SLC4A1: variants seen among roughly 807,000 people sequenced by gnomAD.
The protein encoded by SLC4A1 is band 3 anion transport protein.
SLC4A1 carries 29 observed loss-of-function variants against 93.1 expected under a neutral mutation model. That is an observed-to-expected ratio of 0.31 (90% CI 0.23 to 0.42). The LOEUF (loss-of-function observed/expected upper bound fraction) is 0.42, where lower values mean the gene tolerates loss of function less well. Among genes scored for constraint, SLC4A1 ranks in the 20% least tolerant of loss-of-function variants. The pLI is 1.00. For missense variants in SLC4A1, 965 were observed against 1,190.1 expected, an observed-to-expected ratio of 0.81 and a Z score of 2.78; for synonymous variants, 469 against 497.2, an observed-to-expected ratio of 0.94 and a Z score of 0.76.
At chr17:44,253,447 G>A (rs2047361056) in intron 16 of SLC4A1, 76 bp from the exon 17 acceptor site, 1 of 1,547,312 alleles carries the variant, frequency 6.5e-7, no homozygotes, top group African/African-American at 1.4e-5. Context: ...CTCCATACTT[G>A]GTGTCCTTGT....
rs752788858 is a variant in SLC4A1 at position 44,257,484 on chromosome 17, T to G, written c.1492A>C (p.Ile498Leu). 3.7e-6 allele frequency: 6 copies of G among 1,613,362 alleles called. No homozygotes were observed. The Admixed American group carries it at 1.0e-4, about 27-fold the overall frequency. Reference sequence around the variant, plus strand: ...GCCACCACCAACACCACCAGCAGGATGAGCCAGAAGCCGATCCACACGCGG... The same window carrying G: ...GCCACCACCAACACCACCAGCAGGAGGAGCCAGAAGCCGATCCACACGCGG... ...VGRVWIGFWL[I>L]LLVVLVVAFE... Residue 498 changes from isoleucine (I) to leucine (L), a missense_variant, in exon 13 of 20, where the codon ATC becomes CTC. Coordinates refer to ENST00000262418, the MANE Select transcript of SLC4A1 (RefSeq NM_000342.4).
rs769110150 is a variant in SLC4A1 at position 44,257,718 on chromosome 17, G to T, written c.1372C>A (p.Pro458Thr). 15 of 1,613,944 alleles carry T rather than the reference G, an allele frequency of 9.3e-6. No individual in the cohort carries two copies. The highest frequency in any genetic ancestry group is 8.5e-7 in the Non-Finnish European group (1 of 1,180,016). ...CCTGAGAAGCCGACCACAAGCAGGG[G>T]CTGAGCCCCCAGCAGGGCGAAGAGA... ...GILFALLGAQ[P>T]LLVVGFSGPL... The change falls in exon 12 of 20, where the codon CCC (proline) becomes ACC (threonine). Residue 458 changes from proline to threonine, a missense_variant. Pro to Thr is a conservative substitution (Grantham distance 38). Around this residue, in one of 2 missense-constraint regions of SLC4A1, gnomAD observed 770 missense variants for 1,006.6 expected, o/e 0.76. Coordinates refer to ENST00000262418, the MANE Select transcript of SLC4A1 (RefSeq NM_000342.4).
At chr17:44,262,527 C>A (rs113375808) in intron 3 of SLC4A1, 109 bp downstream of exon 3, 3 of 781,846 alleles carry the variant, frequency 3.8e-6, no homozygotes, top group Admixed American at 2.1e-5. Context: ...GAGAACGGCC[C>A]GTGGTGCTTG....
intron 15 of SLC4A1, 94 bp downstream of exon 15, chr17:44,255,113 G>T: frequency 1.1e-6 from 1 of 887,142 alleles, no homozygotes; most frequent in African/African-American, 1.7e-5. Flanking sequence ...CTGGCTTCAG[G>T]TTGGGGAAAG....
At position 44,255,586 on chromosome 17, in the gene SLC4A1, C is replaced by G. The variant is rs560007004; in HGVS notation, c.1800+87G>C. ...ATGGGAATCTGAAAAAGAAGGGAAG[C>G]TAAGGGCACTGAGGAATTTGGAGCG... On this transcript the variant is annotated intron_variant, in intron 14 of 19. Transcript: ENST00000262418. The G allele has an allele frequency of 9.7e-4, 1,311 of 1,346,272 alleles. 1 individual carries two copies. The highest frequency in any genetic ancestry group is 1.3e-3 in the Non-Finnish European group (1,195 of 940,620). 83.4% of individuals were successfully genotyped at this position (1,346,272 alleles called of 1,614,324 possible).
chr17:44,255,379 G>C, intron 14 of SLC4A1, 83 bp from the exon 15 acceptor site: 2 of 1,051,006 alleles, frequency 1.9e-6, no homozygotes. Context: ...TTCACCCACG[G>C]GGCCCTGCTC....
intron 4 of SLC4A1, 109 bp downstream of exon 4, chr17:44,261,466 G>T (rs917422682): frequency 4.0e-5 from 62 of 1,566,070 alleles, no homozygotes; most frequent in Non-Finnish European, 5.2e-5. Context: ...CTGCTGCAGG[G>T]TCTCCCCCAG....
chr17:44,259,690 G>A (rs2047424443), intron 7 of SLC4A1, 109 bp from the exon 8 acceptor site: 2 of 1,533,832 alleles, frequency 1.3e-6, no homozygotes, highest in African/African-American at 1.4e-5. Context: ...CACCCCCCGG[G>A]CACAGGAGTG....
chr17:44,267,686 AG>A (rs1288258027), intron 1 of SLC4A1, among the ~76,000 whole-genome samples: 1 of 152,030 alleles, frequency 6.6e-6, no homozygotes, highest in Non-Finnish European at 1.5e-5. Context: ...TAGGTGGGAG[AG>A]GGGGTGGTCT....
rs45598642 is a variant in SLC4A1 at position 44,261,246 on chromosome 17, G to A, written c.168+329C>T. On this transcript the variant is annotated intron_variant, in intron 4 of 19. Transcript: ENST00000262418. ...ACTTAGACAGTTCAGTGCCCAGTGG[G>A]GACCTGAGGGGCCTGGGCAGAGGAG... is the stretch of plus-strand genomic sequence containing the variant. Among the ~76,000 whole-genome samples the A allele has an allele frequency of 9.4e-3, 1,439 of 152,336 alleles. 12 individuals carry two copies. Among genetic ancestry groups the A allele is most frequent in the Middle Eastern group, 0.017 (5 of 294 alleles).
chr17:44,264,583 C>T lies in SLC4A1; in HGVS notation c.-68-1649G>A, dbSNP rs114234902. 4.5e-3 allele frequency among the ~76,000 whole-genome samples: 686 copies of T among 152,356 alleles called. 8 individuals are homozygous for T. The highest frequency in any genetic ancestry group is 0.016 in the African/African-American group (669 of 41,590). ...GAAGACCCTGTATGTCCCATCCCCA[C>T]GAAATTCACTACTCCTAGCAGAGTG... On this transcript the variant is annotated intron_variant, in intron 1 of 19. Coordinates refer to ENST00000262418, the MANE Select transcript of SLC4A1 (RefSeq NM_000342.4).
chr17:44,265,730 TGAACAGGTGGGCTGAGCAAGGTGG>T (rs1468037060), intron 1 of SLC4A1, among the ~76,000 whole-genome samples: 1 of 152,034 alleles, frequency 6.6e-6, no homozygotes, highest in Non-Finnish European at 1.5e-5. Context: ...TGGGTGGAGC[TGAACAGGTGGGCTGAGCAAGGTGG>T]GAAAATGCCA....
chr17:44,254,110 G>A (rs1273038935), intron 16 of SLC4A1, among the ~76,000 whole-genome samples: 1 of 151,674 alleles, frequency 6.6e-6, no homozygotes, highest in Non-Finnish European at 1.5e-5. Context: ...AAGTAGCTGA[G>A]ATTACAGGCT....
At chr17:44,254,739 C>T (rs929705904) in intron 15 of SLC4A1, 77 bp from the exon 16 acceptor site, 11 of 1,442,020 alleles carry the variant, frequency 7.6e-6, no homozygotes, top group Non-Finnish European at 9.6e-6. Context: ...AGCCAGGGTC[C>T]TAGGGGTCGG....
In SLC4A1 at chr17:44,252,259, T is replaced by C. The variant is rs536481668; in HGVS notation, c.2312-671A>G. On this transcript the variant is annotated intron_variant, in intron 17 of 19. Transcript: ENST00000262418. ...TAGTAGAGACGTGGTTTCACCATGT[T>C]GGACAGGGTGACCCACCTGCCTCAG... is the stretch of plus-strand genomic sequence containing the variant. Among the ~76,000 whole-genome samples, 5 of 152,080 alleles carry C rather than the reference T, an allele frequency of 3.3e-5. No individual in the cohort carries two copies. The South Asian group carries it at 1.0e-3, about 32-fold the overall frequency.
chr17:44,263,001 G>A, intron 1 of SLC4A1, 67 bp from the exon 2 acceptor site: 1 of 1,344,446 alleles, frequency 7.4e-7, no homozygotes, highest in Non-Finnish European at 1.1e-6. Context: ...CTCCTCCAGA[G>A]GGGGCCACAT....
In SLC4A1 at chr17:44,268,135, T is replaced by C; in HGVS notation, c.-150A>G. On this transcript the variant is annotated 5_prime_UTR_variant, in exon 1 of 20. Transcript: ENST00000262418. Reference sequence around the variant, plus strand: ...CGACCAGCTACGTTCCCACTCGTTCTGACAGCACCAGCGCCCCAGGGGCAG... The same window carrying C: ...CGACCAGCTACGTTCCCACTCGTTCCGACAGCACCAGCGCCCCAGGGGCAG... The C allele has an allele frequency of 1.0e-6, 1 of 985,414 alleles. No homozygotes were observed. The highest frequency in any genetic ancestry group is 1.2e-6 in the Non-Finnish European group (1 of 829,928). The allele number at this position is 985,414 out of a possible 1,614,324, so 61.0% of individuals were successfully genotyped here.
Position 44,249,116 on chromosome 17 carries a change from C to CGG in SLC4A1, c.*1341_*1342insCC, listed in dbSNP as rs1414648927. ...ACCTCAAATGATCCGCCCAACTTGG[C>CGG]CTCCCAAAGTGCTGGGATTACAAAC... On this transcript the variant is annotated 3_prime_UTR_variant, in exon 20 of 20. Coordinates refer to ENST00000262418, the MANE Select transcript of SLC4A1 (RefSeq NM_000342.4). 2.2e-6 allele frequency: 1 copy of CGG among 446,354 alleles called. No individual in the cohort carries two copies. The highest frequency in any genetic ancestry group is 2.5e-5 in the Admixed American group (1 of 40,464). The allele number at this position is 446,354 out of a possible 1,614,324, so 27.6% of individuals were successfully genotyped here. A position where few individuals can be genotyped will look rare whatever the true frequency, so the allele number is the denominator to read the frequency against.
At chr17:44,260,353 G>A (rs534692529) in intron 6 of SLC4A1, 51 bp downstream of exon 6, 1 of 1,587,572 alleles carries the variant, frequency 6.3e-7, no homozygotes, top group Admixed American at 1.8e-5. Flanking sequence ...AAGTGGGCTG[G>A]GGAAGTGGGC....
Sources: allele counts gnomAD v4.1 joint callset (sites outside exome capture counted in the v4.1 genomes callset), GRCh38; gene constraint gnomAD v4.1.1; regional missense constraint gnomAD v4.1.1; transcripts MANE v1.5; gene names NCBI Gene and HGNC (gene_info 2026-07-23, HGNC 2026-07-21).